CDS2: variants seen among roughly 807,000 people sequenced by gnomAD.
CDS2 encodes phosphatidate cytidylyltransferase 2.
A neutral mutation model predicts 59.0 loss-of-function variants in CDS2; 47 were observed. That is an observed-to-expected ratio of 0.80 (90% CI 0.63 to 1.02). The LOEUF is 1.02. Among genes scored for constraint, CDS2 ranks in the 50% least tolerant of loss-of-function variants. The probability of loss-of-function intolerance (pLI) is 0.00; values close to 1 mark genes in which losing one functional copy is unlikely to be tolerated. For synonymous variants in CDS2, 207 were observed against 206.4 expected (o/e 1.00, Z -0.02); for missense variants, 356 against 558.9 (o/e 0.64, Z 3.66).
At chr20:5,189,900 T>C in intron 12 of CDS2, 62 bp downstream of exon 12, 1 of 1,436,276 alleles carries the variant, frequency 7.0e-7, no homozygotes, top group Non-Finnish European at 9.7e-7. Context: ...AATTCTAGAA[T>C]TTTAGCGGCA....
chr20:5,171,713 TG>T (rs1303435668), intron 1 of CDS2, among the ~76,000 whole-genome samples: 1 of 152,130 alleles, frequency 6.6e-6, no homozygotes, highest in Admixed American at 6.5e-5. Context: ...GGTGAGAGTT[TG>T]GTTATGTCGC....
intron 1 of CDS2, among the ~76,000 whole-genome samples, chr20:5,145,839 T>A (rs1292023471): frequency 6.6e-6 from 1 of 150,962 alleles, no homozygotes; most frequent in Non-Finnish European, 1.5e-5. Flanking sequence ...TTTTTTTTTT[T>A]TTGAGACAAA....
At position 5,173,512 on chromosome 20, in the gene CDS2, C is replaced by T. The variant is rs752518481; in HGVS notation, c.58-11C>T. ...TTTGACCTTTTTCTCTTCTGTATTT[C>T]TGCCACTTAGGAGTCAGAGTCAGAA... On this transcript the variant is annotated splice_polypyrimidine_tract_variant and intron_variant, in intron 1 of 12. Transcript: ENST00000460006. 3 of 1,613,890 alleles carry T rather than the reference C, an allele frequency of 1.9e-6. No individual in the cohort carries two copies. Among genetic ancestry groups the T allele is most frequent in the South Asian group, 2.2e-5 (2 of 91,082 alleles).
chr20:5,189,636 C>G (rs569823926), intron 11 of CDS2, 99 bp from the exon 12 acceptor site: 2 of 795,028 alleles, frequency 2.5e-6, no homozygotes, highest in East Asian at 4.9e-5. Context: ...TTGCCCTCAG[C>G]TACTCAGCAC....
At chr20:5,159,561 T>G (rs575662329) in intron 1 of CDS2, among the ~76,000 whole-genome samples, 1 of 152,180 alleles carries the variant, frequency 6.6e-6, no homozygotes, top group African/African-American at 2.4e-5. Flanking sequence ...CAGAAGAAAA[T>G]TTTAGGTGTT....
chr20:5,158,869 C>T (rs2090854353), intron 1 of CDS2, among the ~76,000 whole-genome samples: 2 of 152,172 alleles, frequency 1.3e-5, no homozygotes, highest in African/African-American at 4.8e-5. Flanking sequence ...ACTGTGTTCT[C>T]TGCTGATACG....
intron 1 of CDS2, among the ~76,000 whole-genome samples, chr20:5,132,383 C>G (rs1281513596): frequency 1.3e-5 from 2 of 152,180 alleles, no homozygotes; most frequent in African/African-American, 4.8e-5. Flanking sequence ...CAGGCGTGAG[C>G]CACCGCGCCC....
At chr20:5,139,464 T>G (rs959335825) in intron 1 of CDS2, among the ~76,000 whole-genome samples, 3 of 152,232 alleles carry the variant, frequency 2.0e-5, no homozygotes, top group Non-Finnish European at 4.4e-5. Flanking sequence ...TTTTTGGTGT[T>G]TTTCAGTTTT....
Position 5,138,660 on chromosome 20 carries a change from A to G in CDS2, c.57+11511A>G, listed in dbSNP as rs140234605. ...ACCACCATGCCCAGCAAATTTTTGT[A>G]TTTTTAGTAGAGACAGGGTTTCACC... On this transcript the variant is annotated intron_variant, in intron 1 of 12. Transcript: ENST00000460006. Among the ~76,000 whole-genome samples the G allele has an allele frequency of 2.6e-3, 388 of 151,562 alleles. 3 individuals carry two copies. Among genetic ancestry groups the G allele is most frequent in the African/African-American group, 8.8e-3 (363 of 41,284 alleles).
chr20:5,164,835 C>T (rs77715369), intron 1 of CDS2, among the ~76,000 whole-genome samples: 1 of 152,180 alleles, frequency 6.6e-6, no homozygotes, highest in Non-Finnish European at 1.5e-5. Flanking sequence ...TTGGCAGAGC[C>T]TCCTGGGGAC....
rs1335029475 is a variant in CDS2 at position 5,184,523 on chromosome 20, A to G, written c.672-335A>G. The stretch of plus-strand genomic sequence containing the variant: ...GTTATTTTTGGGAATGGAGATAGGG[A>G]TGGGAGAAAGAAGGAAAACTTTTTG... On this transcript the variant is annotated intron_variant, in intron 7 of 12. Transcript: ENST00000460006. This position sits in a 1 kb window ranked among gnomAD's most constrained non-coding sequence, Gnocchi z 4.3. Among the ~76,000 whole-genome samples the G allele has an allele frequency of 2.0e-5, 3 of 152,220 alleles. No homozygotes were observed. Among genetic ancestry groups the G allele is most frequent in the Non-Finnish European group, 2.9e-5 (2 of 68,040 alleles).
rs891707291 is a variant in CDS2 at position 5,197,435 on chromosome 20, C to T, written c.*7201C>T. The T allele has an allele frequency of 6.6e-5, 10 of 151,712 alleles. No individual in the cohort carries two copies. Among genetic ancestry groups the T allele is most frequent in the Non-Finnish European group, 1.0e-4 (7 of 67,928 alleles). 9.4% of individuals were successfully genotyped at this position (151,712 alleles called of 1,614,324 possible). A position where few individuals can be genotyped will look rare whatever the true frequency, so the allele number is the denominator to read the frequency against. Reference sequence around the variant, plus strand: ...GTGTCTGTGCCTCCCAGAGGTCAGCCGTGTCTGCCCTGGCTCTGTCTCCTC... The same window carrying T: ...GTGTCTGTGCCTCCCAGAGGTCAGCTGTGTCTGCCCTGGCTCTGTCTCCTC... On this transcript the variant is annotated 3_prime_UTR_variant, in exon 13 of 13. Coordinates refer to ENST00000460006, the MANE Select transcript of CDS2 (RefSeq NM_003818.4).
At chr20:5,164,469 G>A (rs948603842) in intron 1 of CDS2, among the ~76,000 whole-genome samples, 2 of 152,092 alleles carry the variant, frequency 1.3e-5, no homozygotes, top group East Asian at 3.9e-4. Flanking sequence ...CGCATGTGGA[G>A]CCCAGCAGCT....
chr20:5,188,487 A>G (rs778778463), intron 10 of CDS2, among the ~76,000 whole-genome samples: 5 of 152,248 alleles, frequency 3.3e-5, no homozygotes, highest in Admixed American at 6.5e-5. Context: ...GAATATTTTA[A>G]TGTTTTCCAT....
chr20:5,141,478 G>T (rs1461786745), intron 1 of CDS2, among the ~76,000 whole-genome samples: 2 of 152,156 alleles, frequency 1.3e-5, no homozygotes. Context: ...CAGCTCCACT[G>T]GGACAGAAGC....
chr20:5,167,188 C>A (rs2123027038), intron 1 of CDS2, among the ~76,000 whole-genome samples: 1 of 152,328 alleles, frequency 6.6e-6, no homozygotes, highest in East Asian at 1.9e-4. Context: ...CAGAATGGCT[C>A]ACAGCCAGTT....
chr20:5,130,802 G>A (rs1290956407), intron 1 of CDS2, among the ~76,000 whole-genome samples: 1 of 149,292 alleles, frequency 6.7e-6, no homozygotes, highest in African/African-American at 2.5e-5. Flanking sequence ...GAAAAGAAAA[G>A]CTCTGGAGGC....
intron 1 of CDS2, among the ~76,000 whole-genome samples, chr20:5,162,557 C>A (rs2123017860): frequency 6.6e-6 from 1 of 152,206 alleles, no homozygotes; most frequent in Middle Eastern, 3.4e-3. Flanking sequence ...CCTGTAAGAA[C>A]TTTCTCGTGG....
chr20:5,157,583 T>C (rs1600488869), intron 1 of CDS2, among the ~76,000 whole-genome samples: 2 of 152,142 alleles, frequency 1.3e-5, no homozygotes, highest in East Asian at 3.8e-4. Context: ...AGAAGTTTAT[T>C]TCTCATTGTT....
Sources: allele counts gnomAD v4.1 joint callset (sites outside exome capture counted in the v4.1 genomes callset), GRCh38; gene constraint gnomAD v4.1.1; non-coding constraint Gnocchi (gnomAD v3.1); transcripts MANE v1.5; gene names NCBI Gene and HGNC (gene_info 2026-07-23, HGNC 2026-07-21).